Variants in KAT6B observed in about 807,000 individuals in gnomAD.
The protein encoded by KAT6B is histone acetyltransferase KAT6B.
In KAT6B, 10 loss-of-function variants were observed where a neutral mutation model predicts 187.5. The observed-to-expected ratio is 0.05, with a 90% CI of 0.03 to 0.09. KAT6B has a LOEUF of 0.09. Among genes scored for constraint, KAT6B ranks in the 10% least tolerant of loss-of-function variants. The pLI, the probability that KAT6B is intolerant of heterozygous loss-of-function variation, is 1.00. For missense variants in KAT6B, 1,952 were observed against 2,558.9 expected (o/e 0.76, Z 5.12); for synonymous variants, 861 against 926.8 (o/e 0.93, Z 1.29).
intron 3 of KAT6B, among the ~76,000 whole-genome samples, chr10:74,936,488 C>T (rs372776445): frequency 6.6e-6 from 1 of 151,810 alleles, no homozygotes; most frequent in African/African-American, 2.4e-5. Context: ...ATACTATTCC[C>T]AGGTTTATGT....
intron 13 of KAT6B, among the ~76,000 whole-genome samples, chr10:74,990,050 C>T (rs745798892): frequency 4.2e-4 from 63 of 151,804 alleles, no homozygotes; most frequent in Non-Finnish European, 7.7e-4. Flanking sequence ...CAAAAATTAG[C>T]TGGATGTGGT....
Position 74,978,246 on chromosome 10 carries a change from A to C in KAT6B, c.2115+809A>C, listed in dbSNP as rs1034584716. Among the ~76,000 whole-genome samples the C allele has an allele frequency of 3.9e-4, 59 of 152,170 alleles. 1 individual carries two copies. Among genetic ancestry groups the C allele is most frequent in the Non-Finnish European group, 1.2e-4 (8 of 68,038 alleles). On this transcript the variant is annotated intron_variant, in intron 9 of 17. Coordinates refer to ENST00000287239, the MANE Select transcript of KAT6B (RefSeq NM_012330.4). ...TATTTCCAACCCTCATTCTGCCCCG[A>C]TCTATCAGGATGCCTTGTATCAGCT...
intron 3 of KAT6B, among the ~76,000 whole-genome samples, chr10:74,893,472 T>TG (rs1564547050): frequency 3.3e-5 from 5 of 152,190 alleles, no homozygotes; most frequent in African/African-American, 1.2e-4. Flanking sequence ...TTTTTTTGTT[T>TG]TTTGTTTTTT....
rs755603844 is a variant in KAT6B, at chr10:75,022,210, G to C, written c.3351G>C (p.Gln1117His). The change falls in exon 16 of 18, where the codon CAG (glutamine) becomes CAC (histidine). Residue 1117 changes from glutamine (Q) to histidine (H), a missense_variant. Transcript: ENST00000287239. ...QSSPPRLTKPQSVAIKRKRPF... is the reference protein window; with the variant it reads ...QSSPPRLTKPHSVAIKRKRPF... ...CTCCCCCAAGATTGACGAAACCACAGTCAGTTGCCATAAAGAGAAAGGTAG... is the reference window on the plus strand; with the variant it reads ...CTCCCCCAAGATTGACGAAACCACACTCAGTTGCCATAAAGAGAAAGGTAG... 5.0e-6 allele frequency: 8 copies of C among 1,613,186 alleles called. No homozygotes were observed. In the South Asian group the frequency reaches 8.8e-5, roughly 18 times the overall value.
chr10:74,826,108 C>G (rs1263663051), upstream of KAT6B, among the ~76,000 whole-genome samples: 1 of 143,808 alleles, frequency 7.0e-6, no homozygotes, highest in Non-Finnish European at 1.5e-5. Context: ...AGCTCTCACA[C>G]AAACTTTAGC....
At chr10:74,854,250 G>T (rs1446669102) in intron 3 of KAT6B, among the ~76,000 whole-genome samples, 2 of 152,192 alleles carry the variant, frequency 1.3e-5, no homozygotes, top group Non-Finnish European at 2.9e-5. Flanking sequence ...GTGAGTGGGT[G>T]TGCTTATCTC....
chr10:75,023,986 C>G (rs1023080277), intron 16 of KAT6B, among the ~76,000 whole-genome samples: 22 of 152,230 alleles, frequency 1.4e-4, no homozygotes, highest in African/African-American at 5.1e-4. Context: ...ATCTTAGCAG[C>G]AAATCTACCT....
At chr10:74,909,536 A>G (rs1847039486) in intron 3 of KAT6B, among the ~76,000 whole-genome samples, 1 of 152,176 alleles carries the variant, frequency 6.6e-6, no homozygotes, top group Non-Finnish European at 1.5e-5. Context: ...CAGAACTGCC[A>G]CATCTTTCTG....
intron 3 of KAT6B, among the ~76,000 whole-genome samples, chr10:74,847,702 T>G (rs1374716720): frequency 6.6e-6 from 1 of 151,974 alleles, no homozygotes; most frequent in Non-Finnish European, 1.5e-5. Flanking sequence ...CATTTTTCCT[T>G]AAAAAATGTG....
chr10:74,855,929 G>GTAACT (rs1274727273), intron 3 of KAT6B, among the ~76,000 whole-genome samples: 3 of 151,936 alleles, frequency 2.0e-5, no homozygotes, highest in African/African-American at 7.3e-5. Flanking sequence ...TAAACTGTTG[G>GTAACT]AAACTAAATT....
At chr10:74,973,452 A>G (rs1841969936) in intron 7 of KAT6B, among the ~76,000 whole-genome samples, 1 of 152,210 alleles carries the variant, frequency 6.6e-6, no homozygotes, top group Non-Finnish European at 1.5e-5. Context: ...CTACCAACAG[A>G]CTACCACCAT....
Position 75,031,520 on chromosome 10 carries a change from A to C in KAT6B, c.*474A>C. 1 of 287,180 alleles carries C rather than the reference A, an allele frequency of 3.5e-6. No homozygotes were observed. The highest frequency in any genetic ancestry group is 6.6e-6 in the Non-Finnish European group (1 of 151,770). 17.8% of individuals were successfully genotyped at this position (287,180 alleles called of 1,614,324 possible). A position where few individuals can be genotyped will look rare whatever the true frequency, so the allele number is the denominator to read the frequency against. On this transcript the variant is annotated 3_prime_UTR_variant, in exon 18 of 18. Coordinates refer to ENST00000287239, the MANE Select transcript of KAT6B (RefSeq NM_012330.4). The stretch of plus-strand genomic sequence containing the variant: ...CATGCCGCTAATGTCTTTGTTAGTG[A>C]CAGTGCATTTTGTAGTACTGTACAA...
Position 74,909,328 on chromosome 10 carries a change from A to G in KAT6B, c.622-50642A>G, listed in dbSNP as rs936161663. Reference sequence around the variant, plus strand: ...GAAGGTTGCAGTGAGCTGAGATCGCATCATTGTACTCCAGCCTGGGAGACA... The same window carrying G: ...GAAGGTTGCAGTGAGCTGAGATCGCGTCATTGTACTCCAGCCTGGGAGACA... On this transcript the variant is annotated intron_variant, in intron 3 of 17. Transcript: ENST00000287239. Among the ~76,000 whole-genome samples the G allele has an allele frequency of 2.6e-5, 4 of 152,312 alleles. No individual in the cohort carries two copies. In the South Asian group the frequency reaches 8.3e-4, roughly 32 times the overall value.
chr10:75,026,675 G>C (rs1365368717), intron 17 of KAT6B, among the ~76,000 whole-genome samples: 1 of 151,564 alleles, frequency 6.6e-6, no homozygotes, highest in Non-Finnish European at 1.5e-5. Context: ...CGATCATTTT[G>C]TGTGTGAAAA....
chr10:74,896,083 A>G (rs1845968019), intron 3 of KAT6B, among the ~76,000 whole-genome samples: 1 of 152,000 alleles, frequency 6.6e-6, no homozygotes. Flanking sequence ...CCAGTCAGCC[A>G]GTCAGCTGCT....
chr10:74,869,641 A>G (rs1411362498), intron 3 of KAT6B, among the ~76,000 whole-genome samples: 1 of 152,170 alleles, frequency 6.6e-6, no homozygotes, highest in Admixed American at 6.5e-5. Context: ...CCCAATCTCA[A>G]CGAGGTCCCT....
At chr10:74,848,688 G>C (rs1694463446) in intron 3 of KAT6B, among the ~76,000 whole-genome samples, 3 of 151,968 alleles carry the variant, frequency 2.0e-5, no homozygotes. Context: ...TTTGTCAAAG[G>C]CACCCAAAAT....
At chr10:74,835,581 A>G (rs1227052611) in intron 1 of KAT6B, among the ~76,000 whole-genome samples, 1 of 152,186 alleles carries the variant, frequency 6.6e-6, no homozygotes, top group East Asian at 1.9e-4. Flanking sequence ...GAGAGACAGA[A>G]AGAGTTTGGG....
In KAT6B at chr10:75,029,213, T is replaced by C. The variant is rs1441642120; in HGVS notation, c.4389T>C (p.Asn1463=). 2 of 1,614,146 alleles carry C rather than the reference T, an allele frequency of 1.2e-6. No individual in the cohort carries two copies. Among genetic ancestry groups the C allele is most frequent in the South Asian group, 1.1e-5 (1 of 91,072 alleles). The change falls in exon 18 of 18, where the codon AAT becomes AAC. Residue 1463 remains asparagine (N), a synonymous_variant. Transcript: ENST00000287239. This position sits in a 1 kb window ranked among gnomAD's most constrained non-coding sequence, Gnocchi z 6.2. ...ACCAGGAGACTTTTTTAGACCTTAA[T>C]GTGCAGCCTGGTCACTCGAACCCAG... is the stretch of plus-strand genomic sequence containing the variant. ...LENQETFLDL[N]VQPGHSNPEV...
Sources: gnomAD v4.1 joint callset for allele counts (sites outside exome capture counted in the v4.1 genomes callset) on GRCh38, gnomAD v4.1.1 for gene constraint, Gnocchi (gnomAD v3.1) non-coding constraint, MANE v1.5 for transcripts, NCBI Gene and HGNC (gene_info 2026-07-23, HGNC 2026-07-21) for gene names.